The following PALLD variants were observed in gnomAD, a reference collection of about 807,000 sequenced individuals.
PALLD encodes palladin.
A neutral mutation model predicts 123.5 loss-of-function variants in PALLD; 61 were observed. That is an observed-to-expected ratio of 0.49 (90% CI 0.40 to 0.61). The LOEUF is 0.61. Ranked by LOEUF, PALLD falls within the 20% of genes least tolerant of loss-of-function variation. PALLD has a pLI of 0.00. For synonymous variants in PALLD, 465 were observed against 496.4 expected (o/e 0.94, Z 0.84); for missense variants, 1,273 against 1,377.0 (o/e 0.92, Z 1.20).
intron 10 of PALLD, among the ~76,000 whole-genome samples, chr4:168,787,411 AC>A (rs1246187444): frequency 6.6e-6 from 1 of 152,218 alleles, no homozygotes; most frequent in Admixed American, 6.5e-5. Flanking sequence ...AAGTTTTCTT[AC>A]AATTGAGCAT....
intron 2 of PALLD, among the ~76,000 whole-genome samples, chr4:168,593,132 G>T (rs1725106667): frequency 1.3e-5 from 2 of 151,782 alleles, no homozygotes; most frequent in Non-Finnish European, 2.9e-5. Context: ...TATTTTATAG[G>T]CTCTGCTGGA....
intron 10 of PALLD, among the ~76,000 whole-genome samples, chr4:168,808,190 T>C (rs1328450506): frequency 6.6e-6 from 1 of 150,960 alleles, no homozygotes; most frequent in Non-Finnish European, 1.5e-5. Context: ...TATATAAGAA[T>C]ATAAGGGGGG....
Position 168,557,032 on chromosome 4 carries a change from T to TTTTTG in PALLD, c.908+44646_908+44650dup, listed in dbSNP as rs56127507. ...GGCTCTCAACTCACATTTCCACTTG[T>TTTTTG]TTTTGTTTTGTTTTGTTTTGTTTTG... is the stretch of plus-strand genomic sequence containing the variant. On this transcript the variant is annotated intron_variant, in intron 2 of 21. Transcript: ENST00000505667. 2.2e-3 allele frequency among the ~76,000 whole-genome samples: 326 copies of TTTTTG among 150,646 alleles called. 1 individual carries two copies. Among genetic ancestry groups the TTTTTG allele is most frequent in the African/African-American group, 3.2e-3 (132 of 41,006 alleles).
rs549604665 is a variant in PALLD, at chr4:168,668,163, A to G, written c.909-27A>G. The G allele has an allele frequency of 5.6e-5, 89 of 1,588,618 alleles. 1 individual carries two copies. The South Asian group carries it at 9.6e-4, about 17-fold the overall frequency. On this transcript the variant is annotated intron_variant, in intron 2 of 21. Transcript: ENST00000505667. The stretch of plus-strand genomic sequence containing the variant: ...TCACCATTTCCTTTCTTTCCCTCCT[A>G]TCCTTTGACCTCCATTTGGCCTGCA...
At chr4:168,736,155 CT>C (rs1787733666) in intron 10 of PALLD, among the ~76,000 whole-genome samples, 1 of 152,184 alleles carries the variant, frequency 6.6e-6, no homozygotes, top group Non-Finnish European at 1.5e-5. Flanking sequence ...CGCAATTTTG[CT>C]TTTGTTTTTC....
chr4:168,759,445 C>A (rs780350370), intron 10 of PALLD, among the ~76,000 whole-genome samples: 10 of 151,508 alleles, frequency 6.6e-5, no homozygotes, highest in Non-Finnish European at 1.2e-4. Flanking sequence ...ACCTCACTCA[C>A]CTATTCAAGG....
chr4:168,794,077 C>A lies in PALLD; in HGVS notation c.1964+82154C>A, dbSNP rs34161337. 8.5e-3 allele frequency among the ~76,000 whole-genome samples: 1,288 copies of A among 152,286 alleles called. 12 individuals carry two copies. Among genetic ancestry groups the A allele is most frequent in the Non-Finnish European group, 0.014 (929 of 68,012 alleles). ...GCAGTGGCACGGCTCCTCCCGTCCTCAGCCTCGACGGAACCCCTTTTCCAG... is the reference window on the plus strand; with the variant it reads ...GCAGTGGCACGGCTCCTCCCGTCCTAAGCCTCGACGGAACCCCTTTTCCAG... On this transcript the variant is annotated intron_variant, in intron 10 of 21. Transcript: ENST00000505667.
At chr4:168,703,053 C>T (rs1187634594) in intron 8 of PALLD, among the ~76,000 whole-genome samples, 3 of 106,692 alleles carry the variant, frequency 2.8e-5, no homozygotes, top group Non-Finnish European at 5.5e-5. Context: ...TGCTATCCCT[C>T]CCCCCTCCCC....
rs1452134652 is a variant in PALLD at position 168,877,991 on chromosome 4, C to T, written c.1965-12931C>T. ...GTTCATCGCCGCGCAGAACCTCGGG[C>T]CCGCGTCGGGCCACGGCACGCCGGC... On this transcript the variant is annotated intron_variant, in intron 10 of 21. Transcript: ENST00000505667. 1.3e-6 allele frequency: 2 copies of T among 1,500,074 alleles called. No homozygotes were observed. The highest frequency in any genetic ancestry group is 4.2e-5 in the Admixed American group (2 of 47,280). The allele number at this position is 1,500,074 out of a possible 1,614,324, so 92.9% of individuals were successfully genotyped here.
intron 2 of PALLD, among the ~76,000 whole-genome samples, chr4:168,601,357 CT>C (rs1469426214): frequency 6.6e-6 from 1 of 152,080 alleles, no homozygotes; most frequent in African/African-American, 2.4e-5. Flanking sequence ...AAGGCATTAG[CT>C]CAATTTGTAT....
chr4:168,641,310 T>C (rs3109202), intron 2 of PALLD, among the ~76,000 whole-genome samples: 28,836 of 152,026 alleles, frequency 0.19, 3,249 homozygotes, highest in African/African-American at 0.32. Flanking sequence ...ATAAGCACCG[T>C]AGAGGGTTTT....
At chr4:168,579,837 C>G (rs899668606) in intron 2 of PALLD, among the ~76,000 whole-genome samples, 1 of 151,930 alleles carries the variant, frequency 6.6e-6, no homozygotes, top group Non-Finnish European at 1.5e-5. Context: ...ATGATTACTG[C>G]AATCAAGCTA....
At chr4:168,502,226 A>G (rs1420135319) in intron 1 of PALLD, among the ~76,000 whole-genome samples, 1 of 152,208 alleles carries the variant, frequency 6.6e-6, no homozygotes, top group Non-Finnish European at 1.5e-5. Flanking sequence ...TGGAAATTTA[A>G]CCCTGAGCTT....
At chr4:168,524,554 C>A (rs1485081939) in intron 2 of PALLD, among the ~76,000 whole-genome samples, 1 of 152,030 alleles carries the variant, frequency 6.6e-6, no homozygotes, top group Non-Finnish European at 1.5e-5. Flanking sequence ...ATCACGTCAT[C>A]ATAGAAAATG....
chr4:168,600,082 TATATACATGCATGTGTATGCACAC>T lies in PALLD; in HGVS notation c.909-68102_909-68079del, dbSNP rs879477883. Among the ~76,000 whole-genome samples the T allele has an allele frequency of 9.4e-3, 1,010 of 107,756 alleles. 37 individuals are homozygous for T. Among genetic ancestry groups the T allele is most frequent in the Admixed American group, 0.077 (892 of 11,648 alleles). The allele number at this position is 107,756 out of a possible 152,430, so 70.7% of individuals were successfully genotyped here. A position where few individuals can be genotyped will look rare whatever the true frequency, so the allele number is the denominator to read the frequency against. ...ATACATACATGTGTATACACACACA[TATATACATGCATGTGTATGCACAC>T]ATATATATACATACATGTGTATACA... On this transcript the variant is annotated intron_variant, in intron 2 of 21. Transcript: ENST00000505667.
intron 2 of PALLD, among the ~76,000 whole-genome samples, chr4:168,588,016 CG>C (rs2149678269): frequency 6.6e-6 from 1 of 152,136 alleles, no homozygotes; most frequent in African/African-American, 2.4e-5. Flanking sequence ...GCAGAAACTC[CG>C]TTGAGTCATT....
rs1182527611 is a variant in PALLD at position 168,668,340 on chromosome 4, C to CACA, written c.1063_1065dup (p.Thr355dup). The CACA allele has an allele frequency of 6.2e-7, 1 of 1,611,584 alleles. No homozygotes were observed. The highest frequency in any genetic ancestry group is 1.3e-5 in the African/African-American group (1 of 74,892). ...TGGCTACGAATCCCAGCGGCTCAGA[C>CACA]ACAACATCTGCTGAGGTGTTCATTG... is the stretch of plus-strand genomic sequence containing the variant. On this transcript the variant is annotated inframe_insertion, in exon 3 of 22. Transcript: ENST00000505667.
At chr4:168,578,963 C>T (rs1410280474) in intron 2 of PALLD, among the ~76,000 whole-genome samples, 1 of 152,110 alleles carries the variant, frequency 6.6e-6, no homozygotes, top group Non-Finnish European at 1.5e-5. Context: ...CTGTATGTGT[C>T]AATTTCTAGT....
intron 3 of PALLD, among the ~76,000 whole-genome samples, chr4:168,671,489 G>C (rs996065531): frequency 5.3e-5 from 8 of 152,158 alleles, no homozygotes; most frequent in Non-Finnish European, 7.3e-5. Context: ...TAGATAGATC[G>C]TATGTGACTT....
Sources: allele counts gnomAD v4.1 joint callset (sites outside exome capture counted in the v4.1 genomes callset), GRCh38; gene constraint gnomAD v4.1.1; transcripts MANE v1.5; gene names NCBI Gene and HGNC (gene_info 2026-07-23, HGNC 2026-07-21).